The following CCDC157 variants were observed in gnomAD, a reference collection of about 807,000 sequenced individuals.
CCDC157 encodes coiled-coil domain containing 157.
Under a neutral mutation model 70.9 loss-of-function variants are expected in CCDC157, and 60 were observed. The ratio of observed to expected loss-of-function variants is 0.85; its 90% CI spans 0.69 to 1.05. The LOEUF (loss-of-function observed/expected upper bound fraction) is 1.05, where lower values mean the gene tolerates loss of function less well. CCDC157 is among the 50% of genes least tolerant of loss of function. The probability of loss-of-function intolerance (pLI) is 0.00; values close to 1 mark genes in which losing one functional copy is unlikely to be tolerated. For synonymous variants in CCDC157, 373 were observed against 422.4 expected (o/e 0.88, Z 1.43); for missense variants, 943 against 984.2 (o/e 0.96, Z 0.56).
intron 10 of CCDC157, chr22:30,375,912 G>A (rs1323095816): frequency 5.4e-6 from 3 of 558,690 alleles, no homozygotes; most frequent in Admixed American, 7.2e-5. Flanking sequence ...GTCAGGCCGG[G>A]TGCGGCGGCT....
chr22:30,370,266 A>G, intron 4 of CCDC157, 60 bp from the exon 5 acceptor site: 1 of 1,561,916 alleles, frequency 6.4e-7, no homozygotes, highest in Non-Finnish European at 8.7e-7. Context: ...CCAGGGAACC[A>G]GTCACCTCCC....
chr22:30,376,883 T>A lies in CCDC157; in HGVS notation c.*138T>A. 6 of 852,562 alleles carry A rather than the reference T, an allele frequency of 7.0e-6. No individual in the cohort carries two copies. The highest frequency in any genetic ancestry group is 1.7e-5 in the South Asian group (1 of 57,522). 52.8% of individuals were successfully genotyped at this position (852,562 alleles called of 1,614,324 possible). A position where few individuals can be genotyped will look rare whatever the true frequency, so the allele number is the denominator to read the frequency against. On this transcript the variant is annotated 3_prime_UTR_variant, in exon 12 of 12. Transcript: ENST00000338306. ...GGAAAGAACCCTTCCTTCCCTGTCC[T>A]GGGCAGGGGCCACTGAGTCCCCAGC... is the stretch of plus-strand genomic sequence containing the variant.
chr22:30,375,584 G>A lies in CCDC157; in HGVS notation c.1778G>A (p.Arg593Gln), dbSNP rs138771176. 8.6e-4 allele frequency: 1,395 copies of A among 1,614,190 alleles called. No individual in the cohort carries two copies. Among genetic ancestry groups the A allele is most frequent in the Admixed American group, 1.4e-3 (87 of 60,002 alleles). Residue 593 changes from arginine (R) to glutamine (Q), a missense_variant, in exon 10 of 12, where the codon CGG becomes CAG. Transcript: ENST00000338306. ...GTGCAGTCCAACGACATCCGCATCC[G>A]GGTCCTACAGGAGGAGAACGGGCGG... is the stretch of plus-strand genomic sequence containing the variant. ...RQVQSNDIRI[R>Q]VLQEENGRLQ...
At chr22:30,362,769 C>T (rs749560040) in intron 2 of CCDC157, among the ~76,000 whole-genome samples, 10 of 152,094 alleles carry the variant, frequency 6.6e-5, no homozygotes, top group Non-Finnish European at 1.0e-4. Context: ...GGATTGGCAG[C>T]ACTGGGTCCT....
At chr22:30,375,817 G>A in intron 10 of CCDC157, 154 bp downstream of exon 10, 1 of 678,682 alleles carries the variant, frequency 1.5e-6, no homozygotes, top group Non-Finnish European at 2.4e-6. Context: ...ATTTCCAGAA[G>A]GCGTGAGGAT....
In CCDC157 at chr22:30,377,217, G is replaced by A; in HGVS notation, c.*472G>A. The A allele has an allele frequency of 5.4e-6, 1 of 186,268 alleles. No individual in the cohort carries two copies. Among genetic ancestry groups the A allele is most frequent in the Non-Finnish European group, 1.1e-5 (1 of 87,290 alleles). 11.5% of individuals were successfully genotyped at this position (186,268 alleles called of 1,614,324 possible). ...CCTTCAGCCTCCCACCCTGGCTCTG[G>A]ACCTGCGCTGGGCACATTAAGGACC... On this transcript the variant is annotated 3_prime_UTR_variant, in exon 12 of 12. Coordinates refer to ENST00000338306, the MANE Select transcript of CCDC157 (RefSeq NM_001017437.5).
At position 30,369,500 on chromosome 22, in the gene CCDC157, CT is replaced by C. The variant is rs1569186982; in HGVS notation, c.318del (p.Ala107HisfsTer22). ...CTTGGCTCAGAGCAGATGATGCCCC[CT>C]GCACAGGCTGCGGGGCCCTGCATGT... ...ENLGSEQMMPPAQAAGPCMSV... is the reference protein window; with the variant it reads ...ENLGSEQMMPXAQAAGPCMSV... On this transcript the variant is annotated frameshift_variant, in exon 4 of 12. Transcript: ENST00000338306. LOFTEE classifies it high-confidence loss of function. The C allele has an allele frequency of 6.2e-7, 1 of 1,605,548 alleles. No homozygotes were observed. Among genetic ancestry groups the C allele is most frequent in the Non-Finnish European group, 8.5e-7 (1 of 1,175,306 alleles).
chr22:30,375,552 G>C lies in CCDC157; in HGVS notation c.1746G>C (p.Glu582Asp), dbSNP rs1202188565. The C allele has an allele frequency of 6.8e-6, 11 of 1,614,104 alleles. No individual in the cohort carries two copies. The highest frequency in any genetic ancestry group is 9.3e-6 in the Non-Finnish European group (11 of 1,180,048). The part of the protein sequence containing the change: ...TDSGNVTDHM[E>D]RQVQSNDIRI... ...CTGGCAACGTCACAGATCACATGGA[G>C]AGGCAAGTGCAGTCCAACGACATCC... Residue 582 changes from glutamate to aspartate, a missense_variant, in exon 10 of 12, where the codon GAG (glutamate) becomes GAC (aspartate). Glu to Asp is a conservative substitution (Grantham distance 45). Coordinates refer to ENST00000338306, the MANE Select transcript of CCDC157 (RefSeq NM_001017437.5).
chr22:30,372,440 T>C (rs1419096948), intron 7 of CCDC157, 154 bp downstream of exon 7: 2 of 1,091,900 alleles, frequency 1.8e-6, no homozygotes, highest in Non-Finnish European at 2.5e-6. Context: ...ACAGAGAGTC[T>C]ACCCTGAACC....
At chr22:30,365,865 T>G in intron 2 of CCDC157, 125 bp from the exon 3 acceptor site, 1 of 963,560 alleles carries the variant, frequency 1.0e-6, no homozygotes, top group Non-Finnish European at 1.5e-6. Flanking sequence ...GGAAACAGAC[T>G]TCTCCCCAGG....
chr22:30,377,986 G>A lies in CCDC157; in HGVS notation c.*1241G>A, dbSNP rs923335087. 8 of 395,446 alleles carry A rather than the reference G, an allele frequency of 2.0e-5. No individual in the cohort carries two copies. Among genetic ancestry groups the A allele is most frequent in the African/African-American group, 1.7e-4 (8 of 47,698 alleles). 24.5% of individuals were successfully genotyped at this position (395,446 alleles called of 1,614,324 possible). A position where few individuals can be genotyped will look rare whatever the true frequency, so the allele number is the denominator to read the frequency against. ...GGTTGCGTTCCTTTCTGCCGGTTCT[G>A]GGGAAGAATTGGCTTCCAAGCTCCA... On this transcript the variant is annotated 3_prime_UTR_variant, in exon 12 of 12. Coordinates refer to ENST00000338306, the MANE Select transcript of CCDC157 (RefSeq NM_001017437.5).
At chr22:30,375,914 G>A in intron 10 of CCDC157, 1 of 557,740 alleles carries the variant, frequency 1.8e-6, no homozygotes, top group South Asian at 2.4e-5. Context: ...CAGGCCGGGT[G>A]CGGCGGCTCA....
chr22:30,359,442 C>T (rs1232472180), intron 1 of CCDC157, among the ~76,000 whole-genome samples: 1 of 152,236 alleles, frequency 6.6e-6, no homozygotes, highest in African/African-American at 2.4e-5. Context: ...TCAGATATCA[C>T]TGGTAGTTCC....
chr22:30,356,834 G>A, upstream of CCDC157: 2 of 1,306,414 alleles, frequency 1.5e-6, no homozygotes, highest in Non-Finnish European at 2.0e-6. Context: ...CGGTGTCGGT[G>A]AGCGGTGCCG....
At chr22:30,371,002 T>G in intron 5 of CCDC157, 52 bp downstream of exon 5, 1 of 1,542,786 alleles carries the variant, frequency 6.5e-7, no homozygotes, top group Non-Finnish European at 8.7e-7. Flanking sequence ...TGCCACAGCC[T>G]TTGCATGGAT....
chr22:30,364,514 A>G (rs776667604), intron 2 of CCDC157, among the ~76,000 whole-genome samples: 2 of 152,164 alleles, frequency 1.3e-5, no homozygotes, highest in African/African-American at 4.8e-5. Context: ...TGTTTTAAAA[A>G]TATATATAAT....
At chr22:30,365,002 A>C (rs1932624528) in intron 2 of CCDC157, among the ~76,000 whole-genome samples, 1 of 152,124 alleles carries the variant, frequency 6.6e-6, no homozygotes, top group African/African-American at 2.4e-5. Flanking sequence ...GCCAGTGAGC[A>C]TCTACAATGG....
At chr22:30,359,371 C>A (rs1437501023) in intron 1 of CCDC157, among the ~76,000 whole-genome samples, 3 of 152,216 alleles carry the variant, frequency 2.0e-5, no homozygotes, top group Non-Finnish European at 4.4e-5. Flanking sequence ...AGACACGTAT[C>A]CCTTGGGTGA....
Position 30,371,735 on chromosome 22 carries a change from GC to G in CCDC157, c.1123+12del. ...AGTCCACACAGGCTGTGGGTAAGGA[GC>G]CCCATCATAGGCCCCCATGCCACAT... is the stretch of plus-strand genomic sequence containing the variant. On this transcript the variant is annotated intron_variant, in intron 6 of 11. Transcript: ENST00000338306. The G allele has an allele frequency of 1.2e-6, 2 of 1,611,168 alleles. No homozygotes were observed. Among genetic ancestry groups the G allele is most frequent in the East Asian group, 4.5e-5 (2 of 44,866 alleles).
Sources: allele counts gnomAD v4.1 joint callset (sites outside exome capture counted in the v4.1 genomes callset), GRCh38; gene constraint gnomAD v4.1.1; transcripts MANE v1.5; gene names NCBI Gene and HGNC (gene_info 2026-07-23, HGNC 2026-07-21).